PASK: variants seen among roughly 807,000 people sequenced by gnomAD.
The protein encoded by PASK is PAS domain-containing serine/threonine-protein kinase.
Under a neutral mutation model 121.0 loss-of-function variants are expected in PASK, and 110 were observed. The observed-to-expected ratio is 0.91, with a 90% CI of 0.78 to 1.06. The LOEUF (loss-of-function observed/expected upper bound fraction) is 1.06, where lower values mean the gene tolerates loss of function less well. Among genes scored for constraint, PASK ranks in the 50% least tolerant of loss-of-function variants. PASK has a pLI of 0.00. For synonymous variants in PASK, 686 were observed against 717.8 expected (o/e 0.96, Z 0.71); for missense variants, 1,643 against 1,702.3 (o/e 0.97, Z 0.61).
intron 4 of PASK, 28 bp from the exon 5 acceptor site, chr2:241,138,822 C>T (rs1329118120): frequency 1.2e-6 from 2 of 1,612,930 alleles, no homozygotes; most frequent in East Asian, 2.2e-5. Context: ...TTCACACCTG[C>T]ATGCCATGAA....
chr2:241,140,684 C>T lies in PASK; in HGVS notation c.266G>A (p.Cys89Tyr). 2 of 1,614,130 alleles carry T rather than the reference C, an allele frequency of 1.2e-6. No homozygotes were observed. Among genetic ancestry groups the T allele is most frequent in the South Asian group, 2.2e-5 (2 of 91,084 alleles). The change falls in exon 3 of 18, where the codon TGC becomes TAC. Residue 89 changes from cysteine to tyrosine, a missense_variant. By Grantham distance (194) the Cys-to-Tyr change is radical. Coordinates refer to ENST00000234040, the MANE Select transcript of PASK (RefSeq NM_015148.4). ...AQNICTSKLHCPAAPEHTDPS... is the reference protein window; with the variant it reads ...AQNICTSKLHYPAAPEHTDPS... ...GTCCGTGTGCTCAGGGGCAGCAGGG[C>T]AGTGCAGTTTACTTGTACAAATATT...
Position 241,106,503 on chromosome 2 carries a change from A to T in PASK, c.*63T>A. ...TTCAGAATGTATTTTCTCCAAACAG[A>T]TGGAGCCTGAAAACTGTGTGATTTT... On this transcript the variant is annotated 3_prime_UTR_variant, in exon 18 of 18. Transcript: ENST00000234040. 1 of 1,546,228 alleles carries T rather than the reference A, an allele frequency of 6.5e-7. No homozygotes were observed.
In PASK at chr2:241,108,584, G is replaced by C. The variant is rs895196909; in HGVS notation, c.3534-284C>G. On this transcript the variant is annotated intron_variant, in intron 15 of 17. Transcript: ENST00000234040. The surrounding 1 kb of genome is among the most constrained non-coding windows in gnomAD (Gnocchi z 5.2). ...AACCACAAGACGTGTCTACCAGAGG[G>C]GGGAGCGGGGGGAGGGCTTCCTGGA... 2.0e-6 allele frequency: 1 copy of C among 488,288 alleles called. No homozygotes were observed. Among genetic ancestry groups the C allele is most frequent in the African/African-American group, 1.9e-5 (1 of 51,366 alleles). The allele number at this position is 488,288 out of a possible 1,614,324, so 30.2% of individuals were successfully genotyped here. A position where few individuals can be genotyped will look rare whatever the true frequency, so the allele number is the denominator to read the frequency against.
At chr2:241,133,074 T>C in intron 8 of PASK, 44 bp from the exon 9 acceptor site, 2 of 1,595,096 alleles carry the variant, frequency 1.3e-6, no homozygotes, top group South Asian at 2.2e-5. Flanking sequence ...TCACAGGCAC[T>C]CCCTAAAACG....
At chr2:241,122,926 G>T (rs2065682642) in intron 11 of PASK, 27 bp from the exon 12 acceptor site, 2 of 1,611,040 alleles carry the variant, frequency 1.2e-6, no homozygotes, top group South Asian at 2.2e-5. Flanking sequence ...GGTCTGTGGG[G>T]TCACATGCAA....
In PASK at chr2:241,126,482, TC is replaced by T; in HGVS notation, c.2432del (p.Arg811HisfsTer57). 11 of 1,614,214 alleles carry T rather than the reference TC, an allele frequency of 6.8e-6. No individual in the cohort carries two copies. Among genetic ancestry groups the T allele is most frequent in the Non-Finnish European group, 9.3e-6 (11 of 1,180,014 alleles). ...GTCCCACACAGCTCTCCCGGAACCGTCGGCCTTGGCCAAGGTCAACACAGGT... is the reference window on the plus strand; with the variant it reads ...GTCCCACACAGCTCTCCCGGAACCGTGGCCTTGGCCAAGGTCAACACAGGT... ...TGTCVDLGQG[R>X]RFRESCVGHD... is the part of the protein sequence containing the mutation. On this transcript the variant is annotated frameshift_variant, in exon 10 of 18. Coordinates refer to ENST00000234040, the MANE Select transcript of PASK (RefSeq NM_015148.4). LOFTEE classifies it high-confidence loss of function.
In PASK at chr2:241,108,784, T is replaced by C. The variant is rs567175432; in HGVS notation, c.3534-484A>G. 2.9e-5 allele frequency: 8 copies of C among 272,776 alleles called. No homozygotes were observed. The East Asian group carries it at 5.5e-4, about 19-fold the overall frequency. The allele number at this position is 272,776 out of a possible 1,614,324, so 16.9% of individuals were successfully genotyped here. ...TTTAGGAAGATGGCTGTGGCGACGA[T>C]GTGAAGGGTGCTGCAGGACGAGACT... On this transcript the variant is annotated intron_variant, in intron 15 of 17. Transcript: ENST00000234040. The surrounding 1 kb of genome is among the most constrained non-coding windows in gnomAD (Gnocchi z 5.2).
Position 241,106,680 on chromosome 2 carries a change from C to T in PASK, c.3858G>A (p.Arg1286=). Reference sequence around the variant, plus strand: ...GAGCCTGGGCCACATCACTCAGGCTCCTGTTCCCCATCTCCAGGCTCGCAG... The same window carrying T: ...GAGCCTGGGCCACATCACTCAGGCTTCTGTTCCCCATCTCCAGGCTCGCAG... ...LSAASLEMGN[R]SLSDVAQAQE... The change falls in exon 18 of 18, where the codon AGG becomes AGA. Residue 1286 remains arginine, a synonymous_variant. Coordinates refer to ENST00000234040, the MANE Select transcript of PASK (RefSeq NM_015148.4). 1.2e-6 allele frequency: 2 copies of T among 1,614,210 alleles called. No homozygotes were observed. The highest frequency in any genetic ancestry group is 1.7e-6 in the Non-Finnish European group (2 of 1,180,022).
At chr2:241,113,790 G>A (rs1043279470) in intron 14 of PASK, 18 of 985,492 alleles carry the variant, frequency 1.8e-5, no homozygotes, top group Non-Finnish European at 2.0e-5. Context: ...CCAAGCCAGG[G>A]CTGTTCCCAG....
rs769465755 is a variant in PASK, at chr2:241,112,355, A to C, written c.3418T>G (p.Phe1140Val). 27 of 1,613,512 alleles carry C rather than the reference A, an allele frequency of 1.7e-5. No individual in the cohort carries two copies. Among genetic ancestry groups the C allele is most frequent in the Non-Finnish European group, 2.3e-5 (27 of 1,179,690 alleles). The change falls in exon 15 of 18, where the codon TTC (phenylalanine) becomes GTC (valine). Residue 1140 changes from phenylalanine to valine, a missense_variant. Physicochemically the swap from Phe to Val is conservative, Grantham distance 50 (BLOSUM62 -1). Around this residue, in one of 3 missense-constraint regions of PASK, gnomAD observed 453 missense variants for 511.2 expected, o/e 0.89. Coordinates refer to ENST00000234040, the MANE Select transcript of PASK (RefSeq NM_015148.4). The surrounding 1 kb of genome is among the most constrained non-coding windows in gnomAD (Gnocchi z 5.2). ...KDENIVIAED[F>V]TIKLIDFGSA... ...CCAAAGTCTATCAGCTTGATTGTGA[A>C]GTCCTCGGCGATCACGATGTTCTCA...
At chr2:241,145,242 A>G (rs2125459412) in intron 1 of PASK, among the ~76,000 whole-genome samples, 1 of 151,898 alleles carries the variant, frequency 6.6e-6, no homozygotes, top group Admixed American at 6.6e-5. Context: ...GTATCTTCAC[A>G]TGGCCATCTT....
At chr2:241,143,134 C>T (rs1250268595) in intron 1 of PASK, 60 bp from the exon 2 acceptor site, 1 of 898,414 alleles carries the variant, frequency 1.1e-6, no homozygotes, top group African/African-American at 1.6e-5. Context: ...GACAGTTTAA[C>T]CAACTAATTT....
chr2:241,142,030 G>A (rs2066724119), intron 2 of PASK, among the ~76,000 whole-genome samples: 1 of 152,108 alleles, frequency 6.6e-6, no homozygotes, highest in Non-Finnish European at 1.5e-5. Flanking sequence ...TTCCTGATCA[G>A]CGCCTGGGTG....
In PASK at chr2:241,132,527, TAAAAAAAA is replaced by T. The variant is rs71049553; in HGVS notation, c.1463+339_1463+346del. 2.9e-3 allele frequency among the ~76,000 whole-genome samples: 114 copies of T among 39,528 alleles called. 1 individual carries two copies. The highest frequency in any genetic ancestry group is 0.011 in the East Asian group (19 of 1,682). The allele number at this position is 39,528 out of a possible 152,430, so 25.9% of individuals were successfully genotyped here. A position where few individuals can be genotyped will look rare whatever the true frequency, so the allele number is the denominator to read the frequency against. On this transcript the variant is annotated intron_variant, in intron 9 of 17. Coordinates refer to ENST00000234040, the MANE Select transcript of PASK (RefSeq NM_015148.4). ...CTGGGTGACACAGCGAGACTCTGTCTAAAAAAAAAAAAAAAAAAAAAAAAAAAGAAAAT... is the reference window on the plus strand; with the variant it reads ...CTGGGTGACACAGCGAGACTCTGTCTAAAAAAAAAAAAAAAAAAAGAAAAT...
chr2:241,139,771 T>C lies in PASK; in HGVS notation c.600+114A>G, dbSNP rs375906664. 3 of 968,432 alleles carry C rather than the reference T, an allele frequency of 3.1e-6. No individual in the cohort carries two copies. In the Admixed American group the frequency reaches 5.8e-5, roughly 19 times the overall value. The allele number at this position is 968,432 out of a possible 1,614,324, so 60.0% of individuals were successfully genotyped here. A position where few individuals can be genotyped will look rare whatever the true frequency, so the allele number is the denominator to read the frequency against. ...ACATTTTCAGCTGAAGAAGCTGAGATGTCCTGGTGCCACCCAACCCCCAGC... is the reference window on the plus strand; with the variant it reads ...ACATTTTCAGCTGAAGAAGCTGAGACGTCCTGGTGCCACCCAACCCCCAGC... On this transcript the variant is annotated intron_variant, in intron 4 of 17. Coordinates refer to ENST00000234040, the MANE Select transcript of PASK (RefSeq NM_015148.4).
intron 12 of PASK, among the ~76,000 whole-genome samples, chr2:241,121,587 A>T (rs2065614017): frequency 6.6e-6 from 1 of 152,220 alleles, no homozygotes; most frequent in Non-Finnish European, 1.5e-5. Context: ...TTTCAGACTG[A>T]ATTTCAAAAG....
At position 241,132,858 on chromosome 2, in the gene PASK, C is replaced by T; in HGVS notation, c.1463+16G>A. On this transcript the variant is annotated intron_variant, in intron 9 of 17. Transcript: ENST00000234040. ...GGACTTTTAGTAAACCTGCAACCTC[C>T]CACCAAGGGACTTACCCTGGAGCAG... is the stretch of plus-strand genomic sequence containing the variant. 1 of 1,609,356 alleles carries T rather than the reference C, an allele frequency of 6.2e-7. No individual in the cohort carries two copies. The highest frequency in any genetic ancestry group is 1.1e-5 in the South Asian group (1 of 91,010).
chr2:241,124,267 C>T, intron 10 of PASK, 134 bp from the exon 11 acceptor site: 2 of 754,560 alleles, frequency 2.7e-6, no homozygotes, highest in Non-Finnish European at 2.2e-6. Flanking sequence ...GTTCAATCCC[C>T]AGAACACAGA....
chr2:241,127,780 G>A (rs1398298254), intron 9 of PASK: 5 of 387,042 alleles, frequency 1.3e-5, no homozygotes, highest in South Asian at 2.1e-5. Flanking sequence ...GCCTAGCCTC[G>A]GCCCCACCTG....
Sources: allele counts gnomAD v4.1 joint callset (sites outside exome capture counted in the v4.1 genomes callset), GRCh38; gene constraint gnomAD v4.1.1; regional missense constraint gnomAD v4.1.1; non-coding constraint Gnocchi (gnomAD v3.1); transcripts MANE v1.5; gene names NCBI Gene and HGNC (gene_info 2026-07-23, HGNC 2026-07-21).